The following CHD5 variants were observed in gnomAD, a reference collection of about 807,000 sequenced individuals.
The protein encoded by CHD5 is chromodomain helicase DNA binding protein 5, also known as ATP-dependent chromatin remodeler CHD5.
A neutral mutation model predicts 230.3 loss-of-function variants in CHD5; 69 were observed. That is an observed-to-expected ratio of 0.30 (90% confidence interval 0.25 to 0.37). CHD5 has a LOEUF of 0.37. CHD5 is among the 10% of genes least tolerant of loss of function. The probability of loss-of-function intolerance (pLI) is 1.00; values close to 1 mark genes in which losing one functional copy is unlikely to be tolerated. For missense variants in CHD5, 1,827 were observed against 2,622.8 expected (o/e 0.70, Z 6.63); for synonymous variants, 1,064 against 1,065.9 (o/e 1.00, Z 0.03).
rs74599815 is a variant in CHD5 at position 6,121,918 on chromosome 1, G to A, written c.4700-345C>T. Among the ~76,000 whole-genome samples the A allele has an allele frequency of 9.8e-5, 15 of 152,330 alleles. No individual in the cohort carries two copies. In the East Asian group the frequency reaches 1.9e-3, roughly 20 times the overall value. ...ACACCCGCTCTGGTCCCAGCTTTCG[G>A]GCGGGCTGGCTGGTGTGTGCCTCTG... On this transcript the variant is annotated intron_variant, in intron 31 of 41. Coordinates refer to ENST00000262450, the MANE Select transcript of CHD5 (RefSeq NM_015557.3). This position sits in a 1 kb window ranked among gnomAD's most constrained non-coding sequence, Gnocchi z 4.5.
At position 6,154,787 on chromosome 1, in the gene CHD5, C is replaced by T. The variant is rs140173347; in HGVS notation, c.618G>A (p.Ala206=). 198 of 1,613,394 alleles carry T rather than the reference C, an allele frequency of 1.2e-4. No homozygotes were observed. Among genetic ancestry groups the T allele is most frequent in the Middle Eastern group, 6.6e-4 (4 of 6,052 alleles). Residue 206 remains alanine (A), a synonymous_variant, in exon 5 of 42, where the codon GCG becomes GCA. Coordinates refer to ENST00000262450, the MANE Select transcript of CHD5 (RefSeq NM_015557.3). This position sits in a 1 kb window ranked among gnomAD's most constrained non-coding sequence, Gnocchi z 7.0. ...SANNPFKGSS[A]AAAAAAVAAA... ...CAGCCACCGCCGCCGCCGCTGCTGC[C>T]GCGGAGCTGCCCTTGAAGGGGTTGT...
intron 11 of CHD5, among the ~76,000 whole-genome samples, 198 bp from the exon 12 acceptor site, chr1:6,144,353 G>A (rs1004436143): frequency 1.3e-5 from 2 of 152,200 alleles, no homozygotes; most frequent in Non-Finnish European, 2.9e-5. Context: ...GAATGAGAGG[G>A]GGATGTGGCA....
At chr1:6,107,378 AGG>A (rs1666199080) in intron 38 of CHD5, among the ~76,000 whole-genome samples, 6 of 77,122 alleles carry the variant, frequency 7.8e-5, no homozygotes, top group South Asian at 7.1e-4. Flanking sequence ...GGAGAGATGG[AGG>A]GATGATGGAG....
chr1:6,117,281 T>G (rs1402817267), intron 33 of CHD5, among the ~76,000 whole-genome samples: 1 of 152,172 alleles, frequency 6.6e-6, no homozygotes, highest in Non-Finnish European at 1.5e-5. Flanking sequence ...GACCCTATAA[T>G]TAGATTTTAA....
Position 6,125,344 on chromosome 1 carries a change from A to G in CHD5, c.4261-111T>C. On this transcript the variant is annotated intron_variant, in intron 28 of 41. Coordinates refer to ENST00000262450, the MANE Select transcript of CHD5 (RefSeq NM_015557.3). This position sits in a 1 kb window ranked among gnomAD's most constrained non-coding sequence, Gnocchi z 6.7. ...GAGGAGGAGAAGGTAGGAAGGGGGC[A>G]CAGAGAAGGCAGGGGCCTCCACCTG... 1 of 1,232,508 alleles carries G rather than the reference A, an allele frequency of 8.1e-7. No individual in the cohort carries two copies. 76.3% of individuals were successfully genotyped at this position (1,232,508 alleles called of 1,614,324 possible). A position where few individuals can be genotyped will look rare whatever the true frequency, so the allele number is the denominator to read the frequency against.
intron 3 of CHD5, among the ~76,000 whole-genome samples, chr1:6,157,694 A>T (rs1309437658): frequency 6.6e-6 from 1 of 152,136 alleles, no homozygotes; most frequent in Non-Finnish European, 1.5e-5. Flanking sequence ...TCTGTGGCTG[A>T]CCTGCCCCCG....
chr1:6,175,657 T>C (rs1282848084), intron 1 of CHD5, among the ~76,000 whole-genome samples: 3 of 150,944 alleles, frequency 2.0e-5, no homozygotes, highest in Non-Finnish European at 4.4e-5. Context: ...CATGGATGAA[T>C]AGTGGATAAG....
In CHD5 at chr1:6,154,983, CCA is replaced by C; in HGVS notation, c.507-87_507-86del. On this transcript the variant is annotated intron_variant, in intron 4 of 41. Coordinates refer to ENST00000262450, the MANE Select transcript of CHD5 (RefSeq NM_015557.3). This position sits in a 1 kb window ranked among gnomAD's most constrained non-coding sequence, Gnocchi z 7.0. ...ACCCCCGGCAGGGCCCACCCCTCTG[CCA>C]CATGTGCGATCTATGGCAGCAGCCC... The C allele has an allele frequency of 8.2e-7, 1 of 1,220,122 alleles. No individual in the cohort carries two copies. Among genetic ancestry groups the C allele is most frequent in the East Asian group, 2.4e-5 (1 of 41,898 alleles). 75.6% of individuals were successfully genotyped at this position (1,220,122 alleles called of 1,614,324 possible).
intron 2 of CHD5, among the ~76,000 whole-genome samples, chr1:6,163,884 C>T (rs1018516036): frequency 6.6e-6 from 1 of 152,216 alleles, no homozygotes; most frequent in South Asian, 2.1e-4. Flanking sequence ...GCTGCAGCAG[C>T]CTTAGGCGTG....
At chr1:6,177,478 A>G (rs530166416) in intron 1 of CHD5, among the ~76,000 whole-genome samples, 2 of 152,366 alleles carry the variant, frequency 1.3e-5, no homozygotes, top group East Asian at 1.9e-4. Context: ...GGGAACCCAC[A>G]GATCCAGGAG....
intron 20 of CHD5, among the ~76,000 whole-genome samples, chr1:6,132,307 G>A (rs527413145): frequency 1.1e-4 from 16 of 152,270 alleles, no homozygotes; most frequent in South Asian, 2.1e-4. Flanking sequence ...TCAGTGCACC[G>A]GAGATTTTGC....
At chr1:6,119,305 C>T (rs1048090502) in intron 33 of CHD5, among the ~76,000 whole-genome samples, 1 of 152,088 alleles carries the variant, frequency 6.6e-6, no homozygotes, top group South Asian at 2.1e-4. Flanking sequence ...TCACCATGTT[C>T]GACAGGATAG....
Position 6,180,057 on chromosome 1 carries a change from C to A in CHD5, c.-34G>T. ...CGGGGAGGAGGGGAGGTGGGCGCCC[C>A]CCCTCCCGCCGGGCGCGGTGCCAGC... On this transcript the variant is annotated 5_prime_UTR_variant, in exon 1 of 42. Coordinates refer to ENST00000262450, the MANE Select transcript of CHD5 (RefSeq NM_015557.3). 2.5e-6 allele frequency: 3 copies of A among 1,195,916 alleles called. No homozygotes were observed. Among genetic ancestry groups the A allele is most frequent in the Non-Finnish European group, 2.1e-6 (2 of 938,944 alleles). 74.1% of individuals were successfully genotyped at this position (1,195,916 alleles called of 1,614,324 possible).
Position 6,149,278 on chromosome 1 carries a change from C to T in CHD5, c.1129G>A (p.Ala377Thr). 1 of 1,611,234 alleles carries T rather than the reference C, an allele frequency of 6.2e-7. No homozygotes were observed. Among genetic ancestry groups the T allele is most frequent in the Non-Finnish European group, 8.5e-7 (1 of 1,178,770 alleles). Residue 377 changes from alanine (A) to threonine (T), a missense_variant, in exon 8 of 42, where the codon GCT becomes ACT. By Grantham distance (58) the Ala-to-Thr change is moderately conservative. Transcript: ENST00000262450. ...LVCLDPELEK[A>T]PEGKWSCPHC... ...GGGCAGCTCCACTTGCCCTCGGGAG[C>T]CTTCTCCAGCTCTGGGTCCAGGCAT... is the stretch of plus-strand genomic sequence containing the variant.
At position 6,103,486 on chromosome 1, in the gene CHD5, A is replaced by C. The variant is rs1355638125; in HGVS notation, c.*1988T>G. 6.6e-6 allele frequency: 1 copy of C among 152,482 alleles called. No homozygotes were observed. 9.4% of individuals were successfully genotyped at this position (152,482 alleles called of 1,614,324 possible). ...CCTCCAGTCCTGCTGCTCGGGACCT[A>C]TCTGCTGTGGGCCAAGGAAGGTGGG... On this transcript the variant is annotated 3_prime_UTR_variant, in exon 42 of 42. Coordinates refer to ENST00000262450, the MANE Select transcript of CHD5 (RefSeq NM_015557.3).
intron 38 of CHD5, among the ~76,000 whole-genome samples, chr1:6,109,158 C>T (rs960729155): frequency 1.3e-5 from 2 of 152,064 alleles, no homozygotes; most frequent in Non-Finnish European, 1.5e-5. Flanking sequence ...CAGCCAGAAG[C>T]GCTGCCTGAC....
At chr1:6,153,275 T>G (rs1484747584) in intron 5 of CHD5, among the ~76,000 whole-genome samples, 1 of 152,130 alleles carries the variant, frequency 6.6e-6, no homozygotes, top group Non-Finnish European at 1.5e-5. Flanking sequence ...ATGGAATCGA[T>G]AGCTCAGCAG....
intron 2 of CHD5, among the ~76,000 whole-genome samples, chr1:6,161,658 T>C (rs1667179661): frequency 6.6e-6 from 1 of 152,100 alleles, no homozygotes; most frequent in Non-Finnish European, 1.5e-5. Flanking sequence ...CCTCGGTCCT[T>C]TGGGGAGGTG....
intron 31 of CHD5, among the ~76,000 whole-genome samples, 184 bp downstream of exon 31, chr1:6,123,764 T>C (rs1467351703): frequency 6.6e-6 from 1 of 152,084 alleles, no homozygotes; most frequent in Admixed American, 6.5e-5. Context: ...AGTATGTATA[T>C]AAATTATATC....
Sources: allele counts gnomAD v4.1 joint callset (sites outside exome capture counted in the v4.1 genomes callset), GRCh38; gene constraint gnomAD v4.1.1; non-coding constraint Gnocchi (gnomAD v3.1); transcripts MANE v1.5; gene names NCBI Gene and HGNC (gene_info 2026-07-23, HGNC 2026-07-21).